MYO1D: variants seen among roughly 807,000 people sequenced by gnomAD.
The protein encoded by MYO1D is myosin ID.
MYO1D carries 83 observed loss-of-function variants against 122.0 expected under a neutral mutation model. That is an observed-to-expected ratio of 0.68 (90% CI 0.57 to 0.82). The LOEUF (loss-of-function observed/expected upper bound fraction) is 0.82, where lower values mean the gene tolerates loss of function less well. MYO1D is among the 40% of genes least tolerant of loss of function. The probability of loss-of-function intolerance (pLI) is 0.00; values close to 1 mark genes in which losing one functional copy is unlikely to be tolerated. For synonymous variants in MYO1D, 464 were observed against 446.9 expected (o/e 1.04, Z -0.48); for missense variants, 1,157 against 1,269.5 (o/e 0.91, Z 1.35).
At chr17:32,641,793 G>A (rs1419262820) in intron 19 of MYO1D, among the ~76,000 whole-genome samples, 2 of 152,062 alleles carry the variant, frequency 1.3e-5, no homozygotes, top group African/African-American at 4.8e-5. Context: ...TTTTTTTCTT[G>A]TAAATTTGTT....
chr17:32,771,258 T>TACATTGA (rs770549439), intron 5 of MYO1D, 38 bp from the exon 6 acceptor site: 1 of 1,425,954 alleles, frequency 7.0e-7, no homozygotes, highest in African/African-American at 1.4e-5. Flanking sequence ...TGGCCAGACA[T>TACATTGA]ACATTGAACC....
chr17:32,858,934 T>C (rs2151086100), intron 1 of MYO1D, among the ~76,000 whole-genome samples: 1 of 152,326 alleles, frequency 6.6e-6, no homozygotes, highest in African/African-American at 2.4e-5. Flanking sequence ...TCTTTGAGGA[T>C]TTCCTTGCTT....
At chr17:32,756,590 A>G (rs2089949797) in intron 10 of MYO1D, among the ~76,000 whole-genome samples, 1 of 151,820 alleles carries the variant, frequency 6.6e-6, no homozygotes, top group Non-Finnish European at 1.5e-5. Context: ...AAAAAAAAAA[A>G]GAACTTGCAT....
chr17:32,618,532 T>C (rs1011569407), intron 20 of MYO1D, among the ~76,000 whole-genome samples: 1 of 152,182 alleles, frequency 6.6e-6, no homozygotes, highest in Non-Finnish European at 1.5e-5. Flanking sequence ...AATGTTCTCA[T>C]CACAGTGGAT....
At chr17:32,774,309 T>C (rs2090153142) in intron 4 of MYO1D, among the ~76,000 whole-genome samples, 1 of 152,230 alleles carries the variant, frequency 6.6e-6, no homozygotes, top group Non-Finnish European at 1.5e-5. Context: ...GGGTTTCCCC[T>C]GCAATTCTTT....
intron 21 of MYO1D, among the ~76,000 whole-genome samples, chr17:32,528,596 G>A (rs1910418888): frequency 6.6e-6 from 1 of 152,202 alleles, no homozygotes; most frequent in East Asian, 1.9e-4. Flanking sequence ...AAAAAGGCCT[G>A]CAGATGGGAT....
At chr17:32,674,537 A>T (rs944600961) in intron 16 of MYO1D, among the ~76,000 whole-genome samples, 19 of 151,670 alleles carry the variant, frequency 1.3e-4, no homozygotes, top group South Asian at 4.2e-4. Flanking sequence ...TTTTTTTTTT[A>T]AAGTACTTAT....
Position 32,614,692 on chromosome 17 carries a change from T to G in MYO1D, c.2710-9451A>C, listed in dbSNP as rs531244729. On this transcript the variant is annotated intron_variant, in intron 20 of 21. Coordinates refer to ENST00000318217, the MANE Select transcript of MYO1D (RefSeq NM_015194.3). Reference sequence around the variant, plus strand: ...CAGGAAGCTCAGCTGTGTGGGCTCATCATGGAAATGGTGGAAGCTGTGGCA... The same window carrying G: ...CAGGAAGCTCAGCTGTGTGGGCTCAGCATGGAAATGGTGGAAGCTGTGGCA... Among the ~76,000 whole-genome samples, 3 of 152,348 alleles carry G rather than the reference T, an allele frequency of 2.0e-5. No homozygotes were observed. In the East Asian group the frequency reaches 5.8e-4, roughly 29 times the overall value.
intron 21 of MYO1D, among the ~76,000 whole-genome samples, chr17:32,559,021 A>T (rs556587873): frequency 6.6e-6 from 1 of 152,372 alleles, no homozygotes; most frequent in African/African-American, 2.4e-5. Flanking sequence ...CAGACTAAGG[A>T]CTAGACAAAT....
chr17:32,810,396 G>A (rs965942911), intron 1 of MYO1D, among the ~76,000 whole-genome samples: 1 of 152,100 alleles, frequency 6.6e-6, no homozygotes, highest in Non-Finnish European at 1.5e-5. Context: ...GGTAATTTAG[G>A]TCTAAATAGC....
At chr17:32,722,999 T>G (rs889590576) in intron 14 of MYO1D, among the ~76,000 whole-genome samples, 1 of 152,124 alleles carries the variant, frequency 6.6e-6, no homozygotes, top group Admixed American at 6.5e-5. Flanking sequence ...TGACCAAAGA[T>G]TTAGTCAATC....
At chr17:32,849,539 A>C (rs1333607103) in intron 1 of MYO1D, among the ~76,000 whole-genome samples, 1 of 151,278 alleles carries the variant, frequency 6.6e-6, no homozygotes, top group Non-Finnish European at 1.5e-5. Flanking sequence ...ACTGGAAATC[A>C]TCATTCTCAG....
At position 32,659,213 on chromosome 17, in the gene MYO1D, G is replaced by A. The variant is rs1202087995; in HGVS notation, c.2247C>T (p.Gly749=). The change falls in exon 17 of 22, where the codon GGC becomes GGT. Residue 749 remains glycine (G), a synonymous_variant. Coordinates refer to ENST00000318217, the MANE Select transcript of MYO1D (RefSeq NM_015194.3). ...YIHEVARRFH[G]VKTMRDYGKH... The stretch of plus-strand genomic sequence containing the variant: ...TCCCGTAGTCTCGCATGGTCTTGAC[G>A]CCATGGAAGCGTCTGGCCACCTCGT... 1.9e-6 allele frequency: 3 copies of A among 1,614,200 alleles called. No individual in the cohort carries two copies. Among genetic ancestry groups the A allele is most frequent in the Admixed American group, 1.7e-5 (1 of 60,032 alleles).
At chr17:32,572,877 CA>C (rs1157124691) in intron 21 of MYO1D, among the ~76,000 whole-genome samples, 2 of 152,090 alleles carry the variant, frequency 1.3e-5, no homozygotes, top group African/African-American at 4.8e-5. Context: ...TCCATGTTAG[CA>C]AAAGCAACCT....
rs2090264874 is a variant in MYO1D at position 32,783,818 on chromosome 17, AG to A, written c.96-3035del. Among the ~76,000 whole-genome samples, 4 of 152,222 alleles carry A rather than the reference AG, an allele frequency of 2.6e-5. 1 individual carries two copies. In the South Asian group the frequency reaches 8.3e-4, roughly 32 times the overall value. ...ATAGTCGCTTACTCTGTTTGCCTCC[AG>A]GAAGAACTACTAATTATCCTAGATG... On this transcript the variant is annotated intron_variant, in intron 1 of 21. Coordinates refer to ENST00000318217, the MANE Select transcript of MYO1D (RefSeq NM_015194.3).
rs1055520255 is a variant in MYO1D, at chr17:32,853,031, C to T, written c.95+23747G>A. Among the ~76,000 whole-genome samples the T allele has an allele frequency of 1.1e-4, 16 of 152,284 alleles. 1 individual carries two copies. The South Asian group carries it at 1.7e-3, about 16-fold the overall frequency. ...TACTAGACAATTCCATGTGATGACTCGCAAGAACAATAGCCTCAGCCTGTT... is the reference window on the plus strand; with the variant it reads ...TACTAGACAATTCCATGTGATGACTTGCAAGAACAATAGCCTCAGCCTGTT... On this transcript the variant is annotated intron_variant, in intron 1 of 21. Coordinates refer to ENST00000318217, the MANE Select transcript of MYO1D (RefSeq NM_015194.3).
chr17:32,824,997 T>C (rs1168281966), intron 1 of MYO1D, among the ~76,000 whole-genome samples: 1 of 152,176 alleles, frequency 6.6e-6, no homozygotes, highest in Non-Finnish European at 1.5e-5. Flanking sequence ...TTCTGATTGT[T>C]TGACTGTTAC....
chr17:32,553,115 CAAAA>C (rs1237857478), intron 21 of MYO1D, among the ~76,000 whole-genome samples: 20 of 125,180 alleles, frequency 1.6e-4, no homozygotes, highest in African/African-American at 5.6e-4. Context: ...AAAAAAAAAA[CAAAA>C]AAACCAGCAG....
chr17:32,865,511 T>A (rs2091116156), intron 1 of MYO1D, among the ~76,000 whole-genome samples: 1 of 152,234 alleles, frequency 6.6e-6, no homozygotes, highest in South Asian at 2.1e-4. Context: ...AGGAAAGCTG[T>A]GTTTGTTCCT....
Sources: gnomAD v4.1 joint callset for allele counts (sites outside exome capture counted in the v4.1 genomes callset) on GRCh38, gnomAD v4.1.1 for gene constraint, MANE v1.5 for transcripts, NCBI Gene and HGNC (gene_info 2026-07-23, HGNC 2026-07-21) for gene names.